Variants in TAFA1 observed in about 807,000 individuals in gnomAD.
The protein encoded by TAFA1 is chemokine-like protein TAFA-1.
TAFA1 carries 4 observed loss-of-function variants against 18.5 expected under a neutral mutation model. The ratio of observed to expected loss-of-function variants is 0.22; its 90% CI spans 0.11 to 0.49. The LOEUF (loss-of-function observed/expected upper bound fraction) is 0.49, where lower values mean the gene tolerates loss of function less well. Ranked by LOEUF, TAFA1 falls within the 20% of genes least tolerant of loss-of-function variation. TAFA1 has a pLI of 0.98. For synonymous variants in TAFA1, 56 were observed against 55.2 expected, an observed-to-expected ratio of 1.01 and a Z score of -0.06; for missense variants, 147 against 169.0, an observed-to-expected ratio of 0.87 and a Z score of 0.72.
chr3:68,514,889 C>A (rs2106737240), intron 3 of TAFA1, among the ~76,000 whole-genome samples: 1 of 152,164 alleles, frequency 6.6e-6, no homozygotes, highest in East Asian at 1.9e-4. Flanking sequence ...GAAACAATAG[C>A]CATTTTATTA....
intron 3 of TAFA1, among the ~76,000 whole-genome samples, chr3:68,419,279 C>G (rs1042799852): frequency 2.0e-5 from 3 of 152,140 alleles, no homozygotes; most frequent in Non-Finnish European, 4.4e-5. Context: ...AGTCAGGGAT[C>G]ATTGTGGGGC....
chr3:68,285,591 A>G (rs796947225), intron 2 of TAFA1, among the ~76,000 whole-genome samples: 2 of 152,160 alleles, frequency 1.3e-5, no homozygotes, highest in Non-Finnish European at 1.5e-5. Context: ...TATATAAAAA[A>G]CCTTCTGAAT....
At chr3:68,453,777 A>G (rs952663088) in intron 3 of TAFA1, among the ~76,000 whole-genome samples, 5 of 152,228 alleles carry the variant, frequency 3.3e-5, no homozygotes, top group Admixed American at 3.3e-4. Flanking sequence ...CATCAACGCC[A>G]TGATTTAAAT....
intron 2 of TAFA1, among the ~76,000 whole-genome samples, chr3:68,021,689 C>T (rs1182955764): frequency 6.6e-6 from 1 of 151,818 alleles, no homozygotes; most frequent in African/African-American, 2.4e-5. Context: ...TGAGCTCTAG[C>T]AAGAAAGAAA....
At chr3:68,381,173 C>A (rs1429925541) in intron 2 of TAFA1, among the ~76,000 whole-genome samples, 1 of 145,892 alleles carries the variant, frequency 6.9e-6, no homozygotes, top group Non-Finnish European at 1.5e-5. Context: ...GTTACTGTAG[C>A]CTTGTAGTAT....
chr3:68,077,061 A>G (rs1204273708), intron 2 of TAFA1, among the ~76,000 whole-genome samples: 47 of 151,138 alleles, frequency 3.1e-4, no homozygotes, highest in Middle Eastern at 3.4e-3. Context: ...ATGGCCAGTG[A>G]TGGTGAGCAT....
intron 2 of TAFA1, among the ~76,000 whole-genome samples, chr3:68,342,548 G>A (rs1381830149): frequency 2.6e-5 from 4 of 152,166 alleles, no homozygotes; most frequent in Non-Finnish European, 5.9e-5. Context: ...TACCTAAAGT[G>A]TCTTTTATTC....
At chr3:68,203,347 A>T (rs924518469) in intron 2 of TAFA1, among the ~76,000 whole-genome samples, 1 of 151,574 alleles carries the variant, frequency 6.6e-6, no homozygotes, top group Non-Finnish European at 1.5e-5. Context: ...GTCTGACATT[A>T]ATTTGAATGA....
intron 2 of TAFA1, among the ~76,000 whole-genome samples, chr3:68,013,991 G>T (rs1393604667): frequency 2.0e-5 from 3 of 152,128 alleles, no homozygotes; most frequent in Non-Finnish European, 4.4e-5. Context: ...CTTAGGTGTG[G>T]CATTGTTCTA....
chr3:68,534,424 T>A (rs991977422), intron 3 of TAFA1, among the ~76,000 whole-genome samples: 2 of 152,224 alleles, frequency 1.3e-5, no homozygotes, highest in Non-Finnish European at 2.9e-5. Flanking sequence ...TTTGCACATG[T>A]GTGCACATAA....
chr3:68,267,796 C>A (rs1275888476), intron 2 of TAFA1, among the ~76,000 whole-genome samples: 1 of 151,594 alleles, frequency 6.6e-6, no homozygotes, highest in Non-Finnish European at 1.5e-5. Context: ...TCTTCTTTTT[C>A]TTTTCCTGTA....
At chr3:68,150,712 T>C (rs1559538908) in intron 2 of TAFA1, among the ~76,000 whole-genome samples, 2 of 152,136 alleles carry the variant, frequency 1.3e-5, no homozygotes, top group Admixed American at 6.5e-5. Context: ...TTGAAATTGA[T>C]GAGTTAGGTT....
intron 3 of TAFA1, among the ~76,000 whole-genome samples, chr3:68,507,212 AT>A (rs1353573884): frequency 1.3e-5 from 2 of 152,052 alleles, no homozygotes; most frequent in East Asian, 3.9e-4. Context: ...CAGTTAGCTT[AT>A]TTTACCATAG....
At position 68,004,507 on chromosome 3, in the gene TAFA1, C is replaced by T. The variant is rs1704324204; in HGVS notation, c.-199C>T. Reference sequence around the variant, plus strand: ...TTTCTGACAATACAGTCTGAATGAACCCGATGTCTTTTTTTTTACTGTGGA... The same window carrying T: ...TTTCTGACAATACAGTCTGAATGAATCCGATGTCTTTTTTTTTACTGTGGA... On this transcript the variant is annotated 5_prime_UTR_variant, in exon 1 of 5. Transcript: ENST00000478136. 6.6e-6 allele frequency: 1 copy of T among 151,980 alleles called. No homozygotes were observed. The highest frequency in any genetic ancestry group is 1.5e-5 in the Non-Finnish European group (1 of 68,026). The allele number at this position is 151,980 out of a possible 1,614,324, so 9.4% of individuals were successfully genotyped here. A position where few individuals can be genotyped will look rare whatever the true frequency, so the allele number is the denominator to read the frequency against.
At chr3:68,413,748 C>T (rs1282793127) in intron 2 of TAFA1, among the ~76,000 whole-genome samples, 1 of 151,306 alleles carries the variant, frequency 6.6e-6, no homozygotes, top group African/African-American at 2.4e-5. Flanking sequence ...GTGTTGGGGG[C>T]AGGGGGGTGA....
intron 2 of TAFA1, among the ~76,000 whole-genome samples, chr3:68,215,494 A>G (rs1002997731): frequency 6.6e-6 from 1 of 152,098 alleles, no homozygotes; most frequent in African/African-American, 2.4e-5. Context: ...CATGAAAGAA[A>G]ATATCAATAA....
chr3:68,113,150 G>A (rs145643340), intron 2 of TAFA1, among the ~76,000 whole-genome samples: 105 of 152,160 alleles, frequency 6.9e-4, no homozygotes, highest in African/African-American at 2.3e-3. Flanking sequence ...GCAATTTTTC[G>A]CACCAGATCC....
intron 3 of TAFA1, among the ~76,000 whole-genome samples, chr3:68,431,821 C>T (rs1395088251): frequency 7.9e-5 from 12 of 151,862 alleles, no homozygotes; most frequent in East Asian, 1.9e-4. Context: ...CTGGGAGCGT[C>T]GGCAGACTCA....
At chr3:68,090,400 A>G (rs1246677838) in intron 2 of TAFA1, among the ~76,000 whole-genome samples, 1 of 152,208 alleles carries the variant, frequency 6.6e-6, no homozygotes, top group Non-Finnish European at 1.5e-5. Flanking sequence ...TCATTTTTAC[A>G]TTAAGATTTG....
Sources: allele counts gnomAD v4.1 joint callset (sites outside exome capture counted in the v4.1 genomes callset), GRCh38; gene constraint gnomAD v4.1.1; transcripts MANE v1.5; gene names NCBI Gene and HGNC (gene_info 2026-07-23, HGNC 2026-07-21).